The following C1QTNF6 variants were observed in gnomAD, a reference collection of about 807,000 sequenced individuals.
The protein encoded by C1QTNF6 is C1q and TNF related 6.
C1QTNF6 carries 17 observed loss-of-function variants against 20.7 expected under a neutral mutation model. That is an observed-to-expected ratio of 0.82 (90% CI 0.56 to 1.23). The LOEUF (loss-of-function observed/expected upper bound fraction) is 1.23. Among genes scored for constraint, C1QTNF6 ranks in the 50% most tolerant of loss-of-function variants. C1QTNF6 has a pLI of 0.00. For synonymous variants in C1QTNF6, 130 were observed against 156.3 expected (o/e 0.83, Z 1.25); for missense variants, 329 against 389.7 (o/e 0.84, Z 1.31).
exon 1 of C1QTNF6, chr22:37,197,636 C>T (rs1328430110): frequency 6.6e-6 from 1 of 152,322 alleles, no homozygotes. Flanking sequence ...GGCTCCCGGC[C>T]ATGCAATGCC....
Position 37,182,188 on chromosome 22 carries a change from TCAGTCGTCC to T in C1QTNF6, c.828_836del (p.Asp277_Ter279delextTer102). ...AGCCGGGAGGGTGGCCCAGAGGCCC[TCAGTCGTCC>T]TCGGCCTTGATGAGGTGGCCGCTGA... On this transcript the variant is annotated stop_lost and inframe_deletion, in exon 3 of 3. Transcript: ENST00000337843. 6.2e-7 allele frequency: 1 copy of T among 1,606,518 alleles called. No homozygotes were observed. The highest frequency in any genetic ancestry group is 1.3e-5 in the African/African-American group (1 of 74,960).
Position 37,187,208 on chromosome 22 carries a change from C to T in C1QTNF6, c.51+955G>A, listed in dbSNP as rs557546052. On this transcript the variant is annotated intron_variant, in intron 1 of 2. Coordinates refer to ENST00000337843, the MANE Select transcript of C1QTNF6 (RefSeq NM_031910.4). ...GTGACTCTTCCCAAGCTTCTCTCTG[C>T]CCACCCTGGTTGGGTTCCTGGTTCT... is the stretch of plus-strand genomic sequence containing the variant. 2.0e-4 allele frequency among the ~76,000 whole-genome samples: 31 copies of T among 152,280 alleles called. 1 individual carries two copies. Among genetic ancestry groups the T allele is most frequent in the African/African-American group, 7.5e-4 (31 of 41,562 alleles).
In C1QTNF6 at chr22:37,184,886, C is replaced by T. The variant is rs1924158278; in HGVS notation, c.289+332G>A. 6.6e-6 allele frequency among the ~76,000 whole-genome samples: 1 copy of T among 152,180 alleles called. No individual in the cohort carries two copies. Among genetic ancestry groups the T allele is most frequent in the South Asian group, 2.1e-4 (1 of 4,834 alleles). On this transcript the variant is annotated intron_variant, in intron 2 of 2. Transcript: ENST00000337843. The surrounding 1 kb of genome is among the most constrained non-coding windows in gnomAD (Gnocchi z 4.0). ...TCCACTGACCACCTCATTCAATATGCAGCCTGCAGCCCAGACCCGCACTCC... is the reference window on the plus strand; with the variant it reads ...TCCACTGACCACCTCATTCAATATGTAGCCTGCAGCCCAGACCCGCACTCC...
rs896329535 is a variant in C1QTNF6, at chr22:37,184,915, A to G, written c.289+303T>C. Among the ~76,000 whole-genome samples the G allele has an allele frequency of 5.9e-5, 9 of 152,016 alleles. No homozygotes were observed. The highest frequency in any genetic ancestry group is 1.9e-4 in the African/African-American group (8 of 41,394). Reference sequence around the variant, plus strand: ...CTGCAGCCCAGACCCGCACTCCTGAAGCCCCTTTTCATTTCCCAGAGCACT... The same window carrying G: ...CTGCAGCCCAGACCCGCACTCCTGAGGCCCCTTTTCATTTCCCAGAGCACT... On this transcript the variant is annotated intron_variant, in intron 2 of 2. Transcript: ENST00000337843. This position sits in a 1 kb window ranked among gnomAD's most constrained non-coding sequence, Gnocchi z 4.0.
chr22:37,185,129 G>A, intron 2 of C1QTNF6, 89 bp downstream of exon 2: 2 of 1,471,742 alleles, frequency 1.4e-6, no homozygotes. Context: ...AGAGGAGTCT[G>A]GACAGGTTTC....
In C1QTNF6 at chr22:37,184,503, C is replaced by CAGCCCTCACCT; in HGVS notation, c.289+714_289+715insAGGTGAGGGCT. 1.6e-6 allele frequency: 1 copy of CAGCCCTCACCT among 644,696 alleles called. No individual in the cohort carries two copies. The highest frequency in any genetic ancestry group is 2.9e-6 in the Non-Finnish European group (1 of 349,384). 39.9% of individuals were successfully genotyped at this position (644,696 alleles called of 1,614,324 possible). ...CTCACCTGGATGCCTTTCACCTGGA[C>CAGCCCTCACCT]GGGCCCTCACCTGGACAGCCCTCAC... On this transcript the variant is annotated intron_variant, in intron 2 of 2. Transcript: ENST00000337843. The surrounding 1 kb of genome is among the most constrained non-coding windows in gnomAD (Gnocchi z 4.0).
intron 2 of C1QTNF6, among the ~76,000 whole-genome samples, chr22:37,195,080 G>C (rs1224404115): frequency 6.6e-6 from 1 of 152,220 alleles, no homozygotes; most frequent in Non-Finnish European, 1.5e-5. Context: ...CATGTCCCAT[G>C]ATCCTGTACG....
chr22:37,189,498 T>C (rs1924673790), upstream of C1QTNF6, among the ~76,000 whole-genome samples: 1 of 152,184 alleles, frequency 6.6e-6, no homozygotes, highest in Non-Finnish European at 1.5e-5. Flanking sequence ...CTACTCTCTT[T>C]TACGAGGGAA....
chr22:37,182,879 A>G (rs1362579408), intron 2 of C1QTNF6, 144 bp from the exon 3 acceptor site: 38 of 1,439,472 alleles, frequency 2.6e-5, no homozygotes, highest in Non-Finnish European at 3.3e-5. Flanking sequence ...TATGCCAGAC[A>G]TTGCCTCCCC....
At chr22:37,187,727 G>A (rs1354178016) in intron 1 of C1QTNF6, among the ~76,000 whole-genome samples, 11 of 152,132 alleles carry the variant, frequency 7.2e-5, no homozygotes, top group Non-Finnish European at 1.5e-4. Flanking sequence ...ACACAGAACC[G>A]TGGCCTGGGA....
chr22:37,186,983 C>T (rs773058158), intron 1 of C1QTNF6, among the ~76,000 whole-genome samples: 8 of 152,040 alleles, frequency 5.3e-5, no homozygotes, highest in African/African-American at 1.2e-4. Context: ...TGGGAGGCCA[C>T]GGAGAGAGGA....
rs1923845935 is a variant in C1QTNF6, at chr22:37,182,300, TC to T, written c.724del (p.Asp242ThrfsTer111). On this transcript the variant is annotated frameshift_variant, in exon 3 of 3. Coordinates refer to ENST00000337843, the MANE Select transcript of C1QTNF6 (RefSeq NM_031910.4). LOFTEE classifies it high-confidence loss of function. ...QSVMLDLAYG[D>X]RVWVRLFKRQ... ...CTTGAAGAGCCGCACCCAGACGCGG[TC>T]CCCGTAGGCCAGGTCCAGCATCACA... The T allele has an allele frequency of 6.2e-7, 1 of 1,614,174 alleles. No individual in the cohort carries two copies. Among genetic ancestry groups the T allele is most frequent in the Non-Finnish European group, 8.5e-7 (1 of 1,180,018 alleles).
In C1QTNF6 at chr22:37,184,929, T is replaced by C. The variant is rs1361234981; in HGVS notation, c.289+289A>G. ...CGCACTCCTGAAGCCCCTTTTCATT[T>C]CCCAGAGCACTGATCACCATCGAAC... On this transcript the variant is annotated intron_variant, in intron 2 of 2. Coordinates refer to ENST00000337843, the MANE Select transcript of C1QTNF6 (RefSeq NM_031910.4). This position sits in a 1 kb window ranked among gnomAD's most constrained non-coding sequence, Gnocchi z 4.0. Among the ~76,000 whole-genome samples, 1 of 152,012 alleles carries C rather than the reference T, an allele frequency of 6.6e-6. No individual in the cohort carries two copies. The highest frequency in any genetic ancestry group is 1.9e-4 in the East Asian group (1 of 5,164).
upstream of C1QTNF6, chr22:37,199,371 G>C (rs1030942164): frequency 6.6e-6 from 1 of 152,352 alleles, no homozygotes; most frequent in Non-Finnish European, 1.5e-5. Flanking sequence ...TGCCTCTCTG[G>C]CCCACCCGGG....
At chr22:37,183,502 C>CGAAA (rs1312861820) in intron 2 of C1QTNF6, among the ~76,000 whole-genome samples, 1 of 152,382 alleles carries the variant, frequency 6.6e-6, no homozygotes, top group African/African-American at 2.4e-5. Flanking sequence ...TCCAGGCTGA[C>CGAAA]TTTCAACATA....
upstream of C1QTNF6, among the ~76,000 whole-genome samples, chr22:37,191,137 T>C (rs1924796420): frequency 6.6e-6 from 1 of 152,136 alleles, no homozygotes; most frequent in Non-Finnish European, 1.5e-5. Flanking sequence ...AAACCACCTT[T>C]TGAAGAGAAT....
intron 2 of C1QTNF6, 47 bp downstream of exon 2, chr22:37,185,171 C>A (rs746937004): frequency 1.3e-6 from 2 of 1,509,260 alleles, no homozygotes; most frequent in African/African-American, 2.8e-5. Flanking sequence ...CACCTCAGCT[C>A]CCTGGCCCTC....
Position 37,184,334 on chromosome 22 carries a change from G to A in C1QTNF6, c.289+884C>T, listed in dbSNP as rs573310365. 5.3e-5 allele frequency: 38 copies of A among 716,452 alleles called. No individual in the cohort carries two copies. In the East Asian group the frequency reaches 7.2e-4, roughly 14 times the overall value. The allele number at this position is 716,452 out of a possible 1,614,324, so 44.4% of individuals were successfully genotyped here. On this transcript the variant is annotated intron_variant, in intron 2 of 2. Transcript: ENST00000337843. The surrounding 1 kb of genome is among the most constrained non-coding windows in gnomAD (Gnocchi z 4.0). ...AAAGTGGGAGGAATAAGAAAATATC[G>A]ACCTCACGGGCTGTTGTGGGCAGAG...
In C1QTNF6 at chr22:37,184,553, C is replaced by T; in HGVS notation, c.289+665G>A. On this transcript the variant is annotated intron_variant, in intron 2 of 2. Coordinates refer to ENST00000337843, the MANE Select transcript of C1QTNF6 (RefSeq NM_031910.4). The surrounding 1 kb of genome is among the most constrained non-coding windows in gnomAD (Gnocchi z 4.0). ...CCTGGACAGCCCTCACCTGGATGGC[C>T]CTCACCTGGACAGGCCCCACAGGGC... The T allele has an allele frequency of 1.4e-6, 1 of 696,716 alleles. No individual in the cohort carries two copies. 43.2% of individuals were successfully genotyped at this position (696,716 alleles called of 1,614,324 possible). A position where few individuals can be genotyped will look rare whatever the true frequency, so the allele number is the denominator to read the frequency against.
Sources: gnomAD v4.1 joint callset for allele counts (sites outside exome capture counted in the v4.1 genomes callset) on GRCh38, gnomAD v4.1.1 for gene constraint, Gnocchi (gnomAD v3.1) non-coding constraint, MANE v1.5 for transcripts, NCBI Gene and HGNC (gene_info 2026-07-23, HGNC 2026-07-21) for gene names.